The following FAM81A variants were observed in gnomAD, a reference collection of about 807,000 sequenced individuals.
FAM81A encodes the protein protein FAM81A.
A neutral mutation model predicts 46.7 loss-of-function variants in FAM81A; 19 were observed. The ratio of observed to expected loss-of-function variants is 0.41; its 90% CI spans 0.28 to 0.60. FAM81A has a LOEUF of 0.60. Ranked by LOEUF, FAM81A falls within the 20% of genes least tolerant of loss-of-function variation. FAM81A has a pLI of 0.34. For missense variants in FAM81A, 377 were observed against 453.5 expected, an observed-to-expected ratio of 0.83 and a Z score of 1.53; for synonymous variants, 183 against 152.9, an observed-to-expected ratio of 1.20 and a Z score of -1.45.
intron 2 of FAM81A, among the ~76,000 whole-genome samples, chr15:59,429,365 C>T (rs1241114763): frequency 1.3e-5 from 2 of 152,122 alleles, no homozygotes; most frequent in African/African-American, 4.8e-5. Flanking sequence ...TTTTCTTCTA[C>T]AACTTGTGCA....
upstream of FAM81A, among the ~76,000 whole-genome samples, chr15:59,434,061 G>A (rs555641498): frequency 2.0e-5 from 3 of 152,290 alleles, no homozygotes; most frequent in South Asian, 6.2e-4. Flanking sequence ...CGCCATGTTG[G>A]CCAGGCTGGT....
At chr15:59,463,458 T>A (rs1203779789) in intron 3 of FAM81A, among the ~76,000 whole-genome samples, 2 of 152,202 alleles carry the variant, frequency 1.3e-5, no homozygotes, top group Non-Finnish European at 2.9e-5. Context: ...TTTGGACTAG[T>A]CTATGTCCTT....
chr15:59,414,751 A>T (rs2081138209), intron 2 of FAM81A, among the ~76,000 whole-genome samples: 1 of 152,222 alleles, frequency 6.6e-6, no homozygotes, highest in Non-Finnish European at 1.5e-5. Context: ...TAATCAATAT[A>T]GCAAACTGGT....
intron 2 of FAM81A, among the ~76,000 whole-genome samples, chr15:59,422,210 G>T (rs2081177130): frequency 6.6e-6 from 1 of 151,960 alleles, no homozygotes; most frequent in South Asian, 2.1e-4. Context: ...AACATAGTGA[G>T]ACCCTGTCTC....
At chr15:59,484,441 A>T (rs569553477) in intron 3 of FAM81A, among the ~76,000 whole-genome samples, 1 of 152,256 alleles carries the variant, frequency 6.6e-6, no homozygotes, top group South Asian at 2.1e-4. Context: ...ACATCATATC[A>T]CTGAAAGAGG....
chr15:59,521,381 G>C lies in FAM81A; in HGVS notation c.*3G>C. 6.2e-7 allele frequency: 1 copy of C among 1,605,106 alleles called. No homozygotes were observed. Among genetic ancestry groups the C allele is most frequent in the Non-Finnish European group, 8.5e-7 (1 of 1,175,492 alleles). On this transcript the variant is annotated 3_prime_UTR_variant, in exon 9 of 9. Transcript: ENST00000288228. ...AGAAGCCAGAGACCCCCATGTGAAGGGAGCTGGGACAAGGTCCTAAAAGAC... is the reference window on the plus strand; with the variant it reads ...AGAAGCCAGAGACCCCCATGTGAAGCGAGCTGGGACAAGGTCCTAAAAGAC...
At chr15:59,433,729 G>A (rs1028065346), upstream of FAM81A, among the ~76,000 whole-genome samples, 11 of 152,192 alleles carry the variant, frequency 7.2e-5, no homozygotes, top group East Asian at 1.9e-4. Context: ...AAAGAGTGAC[G>A]TATTGTGTTA....
At chr15:59,437,171 C>G (rs1189516631), upstream of FAM81A, among the ~76,000 whole-genome samples, 6 of 152,026 alleles carry the variant, frequency 3.9e-5, no homozygotes, top group Non-Finnish European at 8.8e-5. Context: ...ATAATGCTGC[C>G]GGAGAGAGAA....
At chr15:59,508,291 AG>A (rs2082170288) in intron 5 of FAM81A, among the ~76,000 whole-genome samples, 1 of 152,216 alleles carries the variant, frequency 6.6e-6, no homozygotes, top group African/African-American at 2.4e-5. Context: ...TGAATCTTTA[AG>A]TAAGGAACAT....
At chr15:59,466,427 G>A (rs2081614177) in intron 3 of FAM81A, among the ~76,000 whole-genome samples, 1 of 151,470 alleles carries the variant, frequency 6.6e-6, no homozygotes, top group Middle Eastern at 3.4e-3. Context: ...ATCTCTTTGC[G>A]GTTTTGATTT....
In FAM81A at chr15:59,401,565, A is replaced by G; in HGVS notation, c.-160-711A>G. 4 of 784,940 alleles carry G rather than the reference A, an allele frequency of 5.1e-6. No individual in the cohort carries two copies. The Admixed American group carries it at 7.5e-5, about 15-fold the overall frequency. 48.6% of individuals were successfully genotyped at this position (784,940 alleles called of 1,614,324 possible). A position where few individuals can be genotyped will look rare whatever the true frequency, so the allele number is the denominator to read the frequency against. ...CAGACATTAGTAACCACCCTCTTCC[A>G]TGCCTTCTTCTTTCTCTTCCTTGTT... On this transcript the variant is annotated intron_variant, in intron 1 of 4. Coordinates refer to the FAM81A transcript ENST00000558348.
chr15:59,442,829 A>T (rs2081314972), intron 1 of FAM81A, among the ~76,000 whole-genome samples: 1 of 152,144 alleles, frequency 6.6e-6, no homozygotes, highest in South Asian at 2.1e-4. Flanking sequence ...GAACACACAT[A>T]TGTATACACA....
intron 3 of FAM81A, among the ~76,000 whole-genome samples, chr15:59,463,268 T>C (rs188347952): frequency 6.6e-6 from 1 of 152,226 alleles, no homozygotes; most frequent in Admixed American, 6.5e-5. Context: ...ATTTGTCCTT[T>C]TGTTGAAAAT....
In FAM81A at chr15:59,438,563, G is replaced by C. The variant is rs991657688; in HGVS notation, c.-78+281G>C. On this transcript the variant is annotated intron_variant, in intron 1 of 8. Transcript: ENST00000288228. ...CGGAGGGACTGTTTGGGGGAGCTGG[G>C]GTGGTGCACGGATTGCCAGGGGTAA... 3.3e-5 allele frequency: 5 copies of C among 152,332 alleles called. 1 individual carries two copies. The South Asian group carries it at 1.0e-3, about 31-fold the overall frequency. 9.4% of individuals were successfully genotyped at this position (152,332 alleles called of 1,614,324 possible).
At chr15:59,499,372 CTATG>C (rs1235788639) in intron 4 of FAM81A, among the ~76,000 whole-genome samples, 29 of 152,176 alleles carry the variant, frequency 1.9e-4, no homozygotes, top group Admixed American at 3.9e-4. Flanking sequence ...GTACATTGTT[CTATG>C]TATGTAACAA....
chr15:59,478,445 G>A (rs979524581), intron 3 of FAM81A, among the ~76,000 whole-genome samples: 11 of 152,216 alleles, frequency 7.2e-5, no homozygotes, highest in Admixed American at 3.9e-4. Flanking sequence ...AAGCAGGGGC[G>A]TAGACAGTGA....
intron 2 of FAM81A, among the ~76,000 whole-genome samples, chr15:59,403,053 C>CATT (rs1192719040): frequency 3.9e-5 from 6 of 152,106 alleles, no homozygotes; most frequent in African/African-American, 1.2e-4. Flanking sequence ...GGTTCTAGTT[C>CATT]ATTTAGTTCA....
chr15:59,465,814 T>A (rs1376041321), intron 3 of FAM81A, among the ~76,000 whole-genome samples: 1 of 152,188 alleles, frequency 6.6e-6, no homozygotes, highest in Non-Finnish European at 1.5e-5. Flanking sequence ...TCATTTACAT[T>A]AGATATTTCT....
intron 3 of FAM81A, among the ~76,000 whole-genome samples, chr15:59,479,232 C>T (rs936554009): frequency 6.6e-6 from 1 of 152,130 alleles, no homozygotes; most frequent in Admixed American, 6.5e-5. Context: ...AGGATGGTGG[C>T]CGGGCGCGGT....
Sources: allele counts gnomAD v4.1 joint callset (sites outside exome capture counted in the v4.1 genomes callset), GRCh38; gene constraint gnomAD v4.1.1; transcripts MANE v1.5; gene names NCBI Gene and HGNC (gene_info 2026-07-23, HGNC 2026-07-21).